UVRAG: variants seen among roughly 807,000 people sequenced by gnomAD.
The protein encoded by UVRAG is UV radiation resistance associated.
A neutral mutation model predicts 78.0 loss-of-function variants in UVRAG; 19 were observed. The observed-to-expected ratio is 0.24, with a 90% CI of 0.17 to 0.36. UVRAG has a LOEUF of 0.36. Ranked by LOEUF, UVRAG falls within the 10% of genes least tolerant of loss-of-function variation. The pLI is 1.00. For missense variants in UVRAG, 740 were observed against 853.8 expected (o/e 0.87, Z 1.66); for synonymous variants, 323 against 324.6 (o/e 1.00, Z 0.05).
intron 6 of UVRAG, among the ~76,000 whole-genome samples, chr11:75,912,891 TC>T (rs1228772760): frequency 1.3e-5 from 2 of 152,222 alleles, no homozygotes; most frequent in Non-Finnish European, 2.9e-5. Context: ...TAGAGTTTGG[TC>T]ACATGGACTG....
chr11:75,969,526 A>G (rs531626908), intron 7 of UVRAG, among the ~76,000 whole-genome samples: 5 of 152,286 alleles, frequency 3.3e-5, no homozygotes, highest in African/African-American at 1.2e-4. Flanking sequence ...ACCATTTCTC[A>G]TTCATCTAGA....
At chr11:75,951,722 A>G (rs1166489712) in intron 6 of UVRAG, among the ~76,000 whole-genome samples, 1 of 152,178 alleles carries the variant, frequency 6.6e-6, no homozygotes, top group Non-Finnish European at 1.5e-5. Context: ...AGTTCTGTGT[A>G]ACTACTGCTG....
intron 14 of UVRAG, among the ~76,000 whole-genome samples, chr11:76,135,108 A>G (rs115097490): frequency 0.01 from 1,557 of 152,090 alleles, 31 homozygotes; most frequent in African/African-American, 0.035. Flanking sequence ...TCATATCCCC[A>G]CCCCCAAATC....
intron 1 of UVRAG, among the ~76,000 whole-genome samples, chr11:75,832,497 G>T (rs570279972): frequency 1.1e-3 from 166 of 152,308 alleles, no homozygotes; most frequent in South Asian, 4.8e-3. Flanking sequence ...GATAAATAGG[G>T]CAAGGTATGG....
intron 6 of UVRAG, chr11:75,916,581 A>T (rs2135046524): frequency 6.6e-6 from 1 of 152,294 alleles, no homozygotes; most frequent in African/African-American, 2.4e-5. Context: ...TGCATGATGG[A>T]TTCTTCTTGC....
intron 6 of UVRAG, among the ~76,000 whole-genome samples, chr11:75,925,920 T>A (rs1948090623): frequency 6.6e-6 from 1 of 152,230 alleles, no homozygotes; most frequent in Non-Finnish European, 1.5e-5. Context: ...ATGCAGAGTC[T>A]GAGTTTAGTG....
chr11:76,006,361 T>G (rs1949938467), intron 9 of UVRAG, among the ~76,000 whole-genome samples: 2 of 152,026 alleles, frequency 1.3e-5, no homozygotes, highest in African/African-American at 4.8e-5. Flanking sequence ...TCTTAAGTAG[T>G]GCAAGAAAAG....
chr11:75,962,938 G>A (rs1289635778), intron 7 of UVRAG, among the ~76,000 whole-genome samples: 1 of 152,176 alleles, frequency 6.6e-6, no homozygotes, highest in African/African-American at 2.4e-5. Context: ...GTAACAGAAT[G>A]TGTGAGTTTA....
chr11:75,950,960 G>T (rs1948681180), intron 6 of UVRAG, among the ~76,000 whole-genome samples: 1 of 130,568 alleles, frequency 7.7e-6, no homozygotes, highest in Non-Finnish European at 1.6e-5. Context: ...CCTTTGTCAG[G>T]TGTACACACA....
At chr11:76,090,314 G>C (rs2134425743) in intron 13 of UVRAG, among the ~76,000 whole-genome samples, 1 of 152,280 alleles carries the variant, frequency 6.6e-6, no homozygotes, top group Middle Eastern at 3.4e-3. Context: ...TGTGCAGACT[G>C]TATACATATT....
At chr11:76,104,432 G>A (rs932384700) in intron 13 of UVRAG, among the ~76,000 whole-genome samples, 9 of 152,258 alleles carry the variant, frequency 5.9e-5, no homozygotes, top group South Asian at 2.1e-4. Flanking sequence ...TTCTTTAACC[G>A]TGATAGTGTT....
intron 13 of UVRAG, among the ~76,000 whole-genome samples, chr11:76,097,782 A>G (rs1386117577): frequency 6.6e-6 from 1 of 152,160 alleles, no homozygotes; most frequent in South Asian, 2.1e-4. Context: ...TAGCTAGTTT[A>G]TATAGCTAGT....
rs192631485 is a variant in UVRAG, at chr11:76,087,835, C to T, written c.1305+22047C>T. On this transcript the variant is annotated intron_variant, in intron 13 of 14. Transcript: ENST00000356136. ...GACTATCCTCTGAACCCTGATACTA[C>T]TTGGCATTTGTAAGCGTTTAGTTGT... Among the ~76,000 whole-genome samples the T allele has an allele frequency of 2.0e-5, 3 of 152,268 alleles. No individual in the cohort carries two copies. In the East Asian group the frequency reaches 5.8e-4, roughly 29 times the overall value.
At position 75,861,727 on chromosome 11, in the gene UVRAG, C is replaced by A. The variant is rs1225112782; in HGVS notation, c.236-19C>A. 6.3e-7 allele frequency: 1 copy of A among 1,580,418 alleles called. No homozygotes were observed. The highest frequency in any genetic ancestry group is 1.1e-5 in the South Asian group (1 of 88,536). On this transcript the variant is annotated intron_variant, in intron 2 of 14. Coordinates refer to ENST00000356136, the MANE Select transcript of UVRAG (RefSeq NM_003369.4). ...ATTTTCTTTCATATCACTTATTGTT[C>A]TTTTTTCTTCTTTTCCAGAATTTTA...
intron 7 of UVRAG, among the ~76,000 whole-genome samples, chr11:75,978,181 A>C (rs1157952979): frequency 6.6e-6 from 1 of 152,130 alleles, no homozygotes; most frequent in African/African-American, 2.4e-5. Context: ...TTCTTTCAGA[A>C]TGTTGAATAT....
intron 6 of UVRAG, among the ~76,000 whole-genome samples, chr11:75,960,954 C>CT (rs1241810251): frequency 1.3e-5 from 2 of 152,046 alleles, no homozygotes; most frequent in South Asian, 2.1e-4. Flanking sequence ...TTTCTATCAT[C>CT]TTTTGGTTTT....
intron 13 of UVRAG, among the ~76,000 whole-genome samples, chr11:76,099,455 T>C (rs1286997852): frequency 6.6e-6 from 1 of 152,210 alleles, no homozygotes; most frequent in Non-Finnish European, 1.5e-5. Context: ...TAGAAAATGC[T>C]TTATTTACTA....
intron 1 of UVRAG, among the ~76,000 whole-genome samples, chr11:75,819,079 G>T (rs1945330033): frequency 6.6e-6 from 1 of 152,158 alleles, no homozygotes; most frequent in Non-Finnish European, 1.5e-5. Context: ...TTTCATTTTA[G>T]GATAGAGAGT....
At chr11:76,118,383 A>G (rs1487906743) in intron 14 of UVRAG, among the ~76,000 whole-genome samples, 2 of 152,128 alleles carry the variant, frequency 1.3e-5, no homozygotes, top group African/African-American at 4.8e-5. Context: ...TAACTTCGTT[A>G]CTTTTTCTTG....
Sources: allele counts gnomAD v4.1 joint callset (sites outside exome capture counted in the v4.1 genomes callset), GRCh38; gene constraint gnomAD v4.1.1; transcripts MANE v1.5; gene names NCBI Gene and HGNC (gene_info 2026-07-23, HGNC 2026-07-21).